Variants in DAPK1 observed in about 807,000 individuals in gnomAD.
DAPK1 encodes the protein death-associated protein kinase 1.
DAPK1 carries 56 observed loss-of-function variants against 144.9 expected under a neutral mutation model. That is an observed-to-expected ratio of 0.39 (90% CI 0.31 to 0.48). The LOEUF (loss-of-function observed/expected upper bound fraction) is 0.48, where lower values mean the gene tolerates loss of function less well. Ranked by LOEUF, DAPK1 falls within the 20% of genes least tolerant of loss-of-function variation. The pLI is 0.95. For missense variants in DAPK1, 1,454 were observed against 1,875.4 expected (o/e 0.78, Z 4.15); for synonymous variants, 690 against 749.0 (o/e 0.92, Z 1.29).
intron 11 of DAPK1, among the ~76,000 whole-genome samples, chr9:87,644,276 C>T (rs1449249176): frequency 6.6e-6 from 1 of 152,134 alleles, no homozygotes; most frequent in South Asian, 2.1e-4. Context: ...TGGAAGTGTC[C>T]GAATTCAACA....
rs368931821 is a variant in DAPK1, at chr9:87,643,481, G to T, written c.1011+13G>T. 6.7e-7 allele frequency: 1 copy of T among 1,499,004 alleles called. No individual in the cohort carries two copies. Among genetic ancestry groups the T allele is most frequent in the Non-Finnish European group, 9.1e-7 (1 of 1,094,622 alleles). 92.9% of individuals were successfully genotyped at this position (1,499,004 alleles called of 1,614,324 possible). A position where few individuals can be genotyped will look rare whatever the true frequency, so the allele number is the denominator to read the frequency against. ...CGATGATACTCTGGTAAGCAAACCC[G>T]TGAGCCCTGGTGCTCCTTTCTTAGC... On this transcript the variant is annotated intron_variant, in intron 11 of 25. Coordinates refer to ENST00000408954, the MANE Select transcript of DAPK1 (RefSeq NM_004938.4).
chr9:87,662,056 C>T (rs1351418554), intron 18 of DAPK1, among the ~76,000 whole-genome samples: 1 of 152,140 alleles, frequency 6.6e-6, no homozygotes, highest in African/African-American at 2.4e-5. Flanking sequence ...TCCAACTTTC[C>T]CAACACTCTT....
At chr9:87,545,443 C>T (rs772976856) in intron 2 of DAPK1, among the ~76,000 whole-genome samples, 35 of 152,206 alleles carry the variant, frequency 2.3e-4, no homozygotes, top group East Asian at 5.8e-4. Flanking sequence ...CAATTTTAGG[C>T]GAACATGGAA....
intron 21 of DAPK1, among the ~76,000 whole-genome samples, chr9:87,688,814 C>T (rs1490959567): frequency 6.6e-6 from 1 of 151,932 alleles, no homozygotes. Flanking sequence ...CTTTAAGTTC[C>T]TTATAGATTC....
chr9:87,502,149 G>A (rs554616432), intron 2 of DAPK1, among the ~76,000 whole-genome samples: 2 of 152,096 alleles, frequency 1.3e-5, no homozygotes, highest in Non-Finnish European at 2.9e-5. Context: ...GGGAGGGGAT[G>A]CCTTATAGGA....
chr9:87,682,600 G>T (rs2119340046), intron 20 of DAPK1, among the ~76,000 whole-genome samples: 1 of 152,274 alleles, frequency 6.6e-6, no homozygotes, highest in South Asian at 2.1e-4. Flanking sequence ...TTCAACTTCT[G>T]TTCTCTGAAC....
chr9:87,529,012 C>T (rs1255673265), intron 2 of DAPK1, among the ~76,000 whole-genome samples: 3 of 152,130 alleles, frequency 2.0e-5, no homozygotes, highest in African/African-American at 4.8e-5. Context: ...TGTATGACTC[C>T]AGTAAACACA....
At chr9:87,519,752 A>G (rs1825223320) in intron 2 of DAPK1, among the ~76,000 whole-genome samples, 1 of 152,132 alleles carries the variant, frequency 6.6e-6, no homozygotes, top group Admixed American at 6.5e-5. Context: ...TTCCATGACA[A>G]TGAGGTGGGG....
intron 25 of DAPK1, among the ~76,000 whole-genome samples, chr9:87,703,624 A>G (rs1277446689): frequency 1.3e-5 from 2 of 152,166 alleles, no homozygotes; most frequent in Non-Finnish European, 2.9e-5. Context: ...GTGGGAAAAC[A>G]GTTGAGAAAA....
At chr9:87,590,855 C>G (rs1001389203) in intron 2 of DAPK1, among the ~76,000 whole-genome samples, 2 of 152,218 alleles carry the variant, frequency 1.3e-5, no homozygotes, top group Non-Finnish European at 2.9e-5. Context: ...TCCCGAAGTG[C>G]TGGGATTACA....
At chr9:87,676,398 A>G (rs1163375777) in intron 19 of DAPK1, among the ~76,000 whole-genome samples, 1 of 152,090 alleles carries the variant, frequency 6.6e-6, no homozygotes, top group Admixed American at 6.5e-5. Context: ...CTGCGCCACA[A>G]CCCGTCCCTA....
In DAPK1 at chr9:87,701,587, G is replaced by A. The variant is rs549770050; in HGVS notation, c.2871+1350G>A. Reference sequence around the variant, plus strand: ...ATGTTCAAAAAGCTCTCCGGAATTGGTAAGAAAAGGGCGAGCGTCCCAGTG... The same window carrying A: ...ATGTTCAAAAAGCTCTCCGGAATTGATAAGAAAAGGGCGAGCGTCCCAGTG... On this transcript the variant is annotated intron_variant, in intron 24 of 25. Transcript: ENST00000408954. Among the ~76,000 whole-genome samples the A allele has an allele frequency of 4.4e-4, 67 of 152,262 alleles. 1 individual carries two copies. In the South Asian group the frequency reaches 0.014, roughly 32 times the overall value.
chr9:87,611,175 A>T (rs1468929), intron 3 of DAPK1, among the ~76,000 whole-genome samples: 57,995 of 151,314 alleles, frequency 0.38, 12,543 homozygotes, highest in African/African-American at 0.6. Flanking sequence ...GATTTTTTTA[A>T]AAAATATACA....
intron 23 of DAPK1, among the ~76,000 whole-genome samples, chr9:87,699,736 C>G (rs980662216): frequency 6.6e-6 from 1 of 152,150 alleles, no homozygotes; most frequent in African/African-American, 2.4e-5. Flanking sequence ...AGTGATGTAG[C>G]TTTTGCATTC....
At chr9:87,632,753 A>G in intron 3 of DAPK1, 1 of 982,154 alleles carries the variant, frequency 1.0e-6, no homozygotes, top group Non-Finnish European at 1.2e-6. Flanking sequence ...TGTAGGGAAG[A>G]AGGAGGATGA....
intron 3 of DAPK1, among the ~76,000 whole-genome samples, chr9:87,613,412 T>G (rs1828994541): frequency 6.6e-6 from 1 of 152,228 alleles, no homozygotes; most frequent in Non-Finnish European, 1.5e-5. Context: ...GAATTCAGTT[T>G]GCCCATCACA....
At chr9:87,688,389 C>G (rs1045714049) in intron 21 of DAPK1, among the ~76,000 whole-genome samples, 4 of 152,172 alleles carry the variant, frequency 2.6e-5, no homozygotes, top group African/African-American at 9.7e-5. Context: ...GTGAATAGTG[C>G]TGCAATGAAC....
At chr9:87,632,176 A>G in intron 3 of DAPK1, 1 of 890,206 alleles carries the variant, frequency 1.1e-6, no homozygotes, top group Non-Finnish European at 1.3e-6. Flanking sequence ...ATGAAGGAGT[A>G]TGAGTATATA....
At chr9:87,597,391 TTTGTTGAG>T (rs1828356650) in intron 2 of DAPK1, among the ~76,000 whole-genome samples, 1 of 152,080 alleles carries the variant, frequency 6.6e-6, no homozygotes, top group Admixed American at 6.6e-5. Flanking sequence ...TGAAAATAGC[TTTGTTGAG>T]TTCCAATGGG....
Sources: allele counts gnomAD v4.1 joint callset (sites outside exome capture counted in the v4.1 genomes callset), GRCh38; gene constraint gnomAD v4.1.1; transcripts MANE v1.5; gene names NCBI Gene and HGNC (gene_info 2026-07-23, HGNC 2026-07-21).